MED12L: variants seen among roughly 807,000 people sequenced by gnomAD.
MED12L encodes the protein mediator complex subunit 12L.
In MED12L, 60 loss-of-function variants were observed where a neutral mutation model predicts 281.3. The observed-to-expected ratio is 0.21, with a 90% CI of 0.17 to 0.26. The LOEUF (loss-of-function observed/expected upper bound fraction) is 0.26, where lower values mean the gene tolerates loss of function less well. MED12L is among the 10% of genes least tolerant of loss of function. The probability of loss-of-function intolerance (pLI) is 1.00; values close to 1 mark genes in which losing one functional copy is unlikely to be tolerated. For missense variants in MED12L, 2,146 were observed against 2,680.9 expected (o/e 0.80, Z 4.41); for synonymous variants, 974 against 987.2 (o/e 0.99, Z 0.25).
At chr3:151,300,207 A>G (rs893471585) in intron 16 of MED12L, 25 of 807,890 alleles carry the variant, frequency 3.1e-5, no homozygotes, top group Non-Finnish European at 5.0e-5. Context: ...TTCTGGGGAG[A>G]AAATGAAAAA....
At chr3:151,110,341 A>G (rs754148866) in intron 2 of MED12L, among the ~76,000 whole-genome samples, 4 of 152,190 alleles carry the variant, frequency 2.6e-5, no homozygotes, top group African/African-American at 9.7e-5. Context: ...TTAAGTGTCC[A>G]TGTCCAGCCC....
intron 42 of MED12L, among the ~76,000 whole-genome samples, chr3:151,414,367 A>T (rs913313807): frequency 6.6e-6 from 1 of 152,204 alleles, no homozygotes; most frequent in African/African-American, 2.4e-5. Context: ...ACCAAAAATG[A>T]GGAATCTAGT....
Position 151,436,029 on chromosome 3 carries a change from AAAAT to A in MED12L, c.*3228_*3231del, listed in dbSNP as rs1451866826. 1 of 152,200 alleles carries A rather than the reference AAAAT, an allele frequency of 6.6e-6. No individual in the cohort carries two copies. Among genetic ancestry groups the A allele is most frequent in the South Asian group, 2.1e-4 (1 of 4,834 alleles). 9.4% of individuals were successfully genotyped at this position (152,200 alleles called of 1,614,324 possible). ...CCTTTTTAATGGGTGTATTTGGACA[AAAAT>A]AACCCCCTTTTCACATTTTATGATG... On this transcript the variant is annotated 3_prime_UTR_variant, in exon 45 of 45. Coordinates refer to ENST00000687756, the MANE Select transcript of MED12L (RefSeq NM_001393769.1).
intron 16 of MED12L, among the ~76,000 whole-genome samples, chr3:151,295,959 T>C (rs1245234528): frequency 1.3e-5 from 2 of 152,252 alleles, no homozygotes; most frequent in East Asian, 3.8e-4. Flanking sequence ...CTGATTATTA[T>C]AAATATTTAC....
At chr3:151,241,124 A>G (rs759512630) in intron 16 of MED12L, among the ~76,000 whole-genome samples, 1 of 152,178 alleles carries the variant, frequency 6.6e-6, no homozygotes, top group Non-Finnish European at 1.5e-5. Context: ...AGATCTCACT[A>G]TCACATAAAA....
chr3:151,404,670 A>G (rs1393119496), intron 39 of MED12L, among the ~76,000 whole-genome samples: 1 of 152,234 alleles, frequency 6.6e-6, no homozygotes, highest in Non-Finnish European at 1.5e-5. Flanking sequence ...TTTCCAAATC[A>G]GTATTTCCAG....
chr3:151,294,098 C>T, intron 16 of MED12L: 1 of 961,958 alleles, frequency 1.0e-6, no homozygotes, highest in Non-Finnish European at 1.6e-6. Flanking sequence ...TTGATGGGCT[C>T]AAGCAAGGAT....
chr3:151,259,638 G>C (rs7618206), intron 16 of MED12L, among the ~76,000 whole-genome samples: 3 of 152,054 alleles, frequency 2.0e-5, no homozygotes, highest in Admixed American at 6.5e-5. Context: ...TGAGCCTCAA[G>C]ATAGGTAGGT....
chr3:151,377,696 C>G (rs184924792), intron 30 of MED12L, among the ~76,000 whole-genome samples: 158 of 152,166 alleles, frequency 1.0e-3, no homozygotes, highest in African/African-American at 3.8e-3. Context: ...GTAACTGTGA[C>G]AGAAAAGTAT....
In MED12L at chr3:151,411,458, G is replaced by T; in HGVS notation, c.6091G>T (p.Val2031Phe). The part of the protein sequence containing the change: ...RQIQQQPSGY[V>F]QQQASPYLQP... ...GATTCAGCAGCAGCCGAGTGGCTAT[G>T]TTCAGCAGCAGGCCTCGCCGTACCT... Residue 2031 changes from valine (V) to phenylalanine (F), a missense_variant, in exon 41 of 45, where the codon GTT becomes TTT. This residue lies in a region of MED12L where 496 missense variants were observed against 512.0 expected (regional missense o/e 0.97). Coordinates refer to ENST00000687756, the MANE Select transcript of MED12L (RefSeq NM_001393769.1). 6.2e-7 allele frequency: 1 copy of T among 1,614,216 alleles called. No individual in the cohort carries two copies. The highest frequency in any genetic ancestry group is 2.2e-5 in the East Asian group (1 of 44,890).
intron 12 of MED12L, among the ~76,000 whole-genome samples, chr3:151,186,050 G>A (rs931179895): frequency 1.3e-5 from 2 of 152,072 alleles, no homozygotes; most frequent in Admixed American, 1.3e-4. Flanking sequence ...TCTTGAGGCA[G>A]TTATGATTAT....
chr3:151,279,930 G>A (rs1489318551), intron 16 of MED12L, among the ~76,000 whole-genome samples: 2 of 152,078 alleles, frequency 1.3e-5, no homozygotes, highest in Non-Finnish European at 1.5e-5. Context: ...TGACTTCCCC[G>A]TGGGGTGTTT....
chr3:151,397,784 T>G lies in MED12L; in HGVS notation c.5820+2917T>G, dbSNP rs549062202. ...CTAATAATATAGTTACTTTTTCATT[T>G]TTTGGCTTCTTGTAGAGAAAAGTAA... On this transcript the variant is annotated intron_variant, in intron 39 of 44. Coordinates refer to ENST00000687756, the MANE Select transcript of MED12L (RefSeq NM_001393769.1). Among the ~76,000 whole-genome samples the G allele has an allele frequency of 2.6e-5, 4 of 152,348 alleles. No homozygotes were observed. In the South Asian group the frequency reaches 8.3e-4, roughly 32 times the overall value.
At chr3:151,318,938 T>C (rs546813258) in intron 16 of MED12L, among the ~76,000 whole-genome samples, 50 of 152,244 alleles carry the variant, frequency 3.3e-4, no homozygotes, top group African/African-American at 1.1e-3. Flanking sequence ...TGGGATAGGA[T>C]GCACTTTTTC....
chr3:151,286,376 T>C (rs1177831426), intron 16 of MED12L, among the ~76,000 whole-genome samples: 3 of 151,092 alleles, frequency 2.0e-5, no homozygotes, highest in Non-Finnish European at 4.4e-5. Context: ...ATTTAAATTA[T>C]TTATTCCTTC....
At chr3:151,161,142 G>A (rs1719930025) in intron 8 of MED12L, among the ~76,000 whole-genome samples, 1 of 152,206 alleles carries the variant, frequency 6.6e-6, no homozygotes, top group South Asian at 2.1e-4. Flanking sequence ...AGATTGATTG[G>A]CCACAGTAGA....
chr3:151,357,272 A>G lies in MED12L; in HGVS notation c.2721A>G (p.Ala907=). Residue 907 remains alanine, a synonymous_variant, in exon 20 of 45, where the codon GCA becomes GCG. Transcript: ENST00000687756. ...AELLLKSSSL[A]GSYTTGLCVC... ...TGCTCCTAAAATCCTCCAGCCTGGC[A>G]GGAAGTTATACAACAGGACTGTGTG... 1 of 1,613,752 alleles carries G rather than the reference A, an allele frequency of 6.2e-7. No individual in the cohort carries two copies. Among genetic ancestry groups the G allele is most frequent in the Non-Finnish European group, 8.5e-7 (1 of 1,179,800 alleles).
chr3:151,252,116 CTCCCTCCCT>C (rs1736970204), intron 16 of MED12L, among the ~76,000 whole-genome samples: 1 of 152,276 alleles, frequency 6.6e-6, no homozygotes, highest in South Asian at 2.1e-4. Flanking sequence ...CACCCATCCC[CTCCCTCCCT>C]ATGCAGGATA....
rs1333492731 is a variant in MED12L at position 151,163,960 on chromosome 3, ACCCAGGCTCAC to A, written c.1179_1189del (p.Pro396AlafsTer27). On this transcript the variant is annotated frameshift_variant, in exon 9 of 45. Transcript: ENST00000687756. LOFTEE classifies it high-confidence loss of function. ...TCCACAAATGAAAATAAGAGCGCAA[ACCCAGGCTCAC>A]CCCTGGATCTGCTGCAGGTGGCCCC... 6.2e-7 allele frequency: 1 copy of A among 1,613,430 alleles called. No homozygotes were observed. The highest frequency in any genetic ancestry group is 1.3e-5 in the African/African-American group (1 of 74,878).
Sources: gnomAD v4.1 joint callset for allele counts (sites outside exome capture counted in the v4.1 genomes callset) on GRCh38, gnomAD v4.1.1 for gene constraint, gnomAD v4.1.1 regional missense constraint, MANE v1.5 for transcripts, NCBI Gene and HGNC (gene_info 2026-07-23, HGNC 2026-07-21) for gene names.